MERTK: variants seen among roughly 807,000 people sequenced by gnomAD.
MERTK encodes MER proto-oncogene, tyrosine kinase, also known as tyrosine-protein kinase Mer.
MERTK carries 69 observed loss-of-function variants against 99.3 expected under a neutral mutation model. The observed-to-expected ratio is 0.70, with a 90% CI of 0.57 to 0.85. The LOEUF (loss-of-function observed/expected upper bound fraction) is 0.85. MERTK is among the 40% of genes least tolerant of loss of function. The pLI is 0.00. For missense variants in MERTK, 1,125 were observed against 1,249.4 expected (o/e 0.90, Z 1.50); for synonymous variants, 426 against 467.6 (o/e 0.91, Z 1.15).
At chr2:111,944,476 A>G (rs1684921485) in intron 2 of MERTK, among the ~76,000 whole-genome samples, 1 of 216 alleles carries the variant, frequency 4.6e-3, no homozygotes, top group Non-Finnish European at 9.6e-3. Flanking sequence ...CTCCTAAATT[A>G]TTTATTAATT....
In MERTK at chr2:112,019,608, A is replaced by C. The variant is rs570157738; in HGVS notation, c.2189+86A>C. 7 of 1,005,964 alleles carry C rather than the reference A, an allele frequency of 7.0e-6. No individual in the cohort carries two copies. In the African/African-American group the frequency reaches 1.1e-4, roughly 16 times the overall value. The allele number at this position is 1,005,964 out of a possible 1,614,324, so 62.3% of individuals were successfully genotyped here. A position where few individuals can be genotyped will look rare whatever the true frequency, so the allele number is the denominator to read the frequency against. On this transcript the variant is annotated intron_variant, in intron 16 of 18. Coordinates refer to ENST00000295408, the MANE Select transcript of MERTK (RefSeq NM_006343.3). ...TTAGTGAGAGGACCTGTTCCTGTTT[A>C]GATAGGCAAGGAAGCTGCAGTCAGC... is the stretch of plus-strand genomic sequence containing the variant.
chr2:111,958,907 G>A (rs1685196606), intron 4 of MERTK, among the ~76,000 whole-genome samples: 1 of 150,564 alleles, frequency 6.6e-6, no homozygotes. Flanking sequence ...GACAAGTTTG[G>A]AATGTAATTT....
chr2:111,990,611 A>G (rs555192426), intron 8 of MERTK, among the ~76,000 whole-genome samples: 1 of 152,330 alleles, frequency 6.6e-6, no homozygotes, highest in East Asian at 1.9e-4. Context: ...GTGAGTAGAC[A>G]CAGGTTAAGT....
rs114697865 is a variant in MERTK at position 111,965,507 on chromosome 2, A to G, written c.844+230A>G. On this transcript the variant is annotated intron_variant, in intron 5 of 18. Transcript: ENST00000295408. The stretch of plus-strand genomic sequence containing the variant: ...AGGCTTATTGATTTAATACAAGTAA[A>G]TTACTCAGAAGTGCCTGGCATATAG... 6.6e-4 allele frequency among the ~76,000 whole-genome samples: 101 copies of G among 152,312 alleles called. 1 individual carries two copies. Among genetic ancestry groups the G allele is most frequent in the African/African-American group, 2.3e-3 (96 of 41,556 alleles).
chr2:111,962,116 A>C (rs1189655021), intron 4 of MERTK, among the ~76,000 whole-genome samples: 1 of 152,226 alleles, frequency 6.6e-6, no homozygotes. Flanking sequence ...TTTTATGAAG[A>C]TACTACTGTA....
intron 4 of MERTK, among the ~76,000 whole-genome samples, chr2:111,961,684 G>A (rs746742891): frequency 2.0e-5 from 3 of 152,110 alleles, no homozygotes; most frequent in Non-Finnish European, 2.9e-5. Context: ...TCAGGGAAAC[G>A]CAGACACTGG....
At chr2:111,933,877 C>G (rs1457309238) in intron 2 of MERTK, among the ~76,000 whole-genome samples, 2 of 139,462 alleles carry the variant, frequency 1.4e-5, no homozygotes, top group Admixed American at 1.4e-4. Context: ...CCCAGCCCCC[C>G]CACCCCAACA....
intron 1 of MERTK, among the ~76,000 whole-genome samples, chr2:111,900,839 A>T (rs1310425589): frequency 6.6e-6 from 1 of 152,228 alleles, no homozygotes; most frequent in Non-Finnish European, 1.5e-5. Flanking sequence ...GAAATTAAAC[A>T]TGGAAATTAG....
intron 1 of MERTK, among the ~76,000 whole-genome samples, chr2:111,907,733 ATAT>A (rs1332984945): frequency 1.3e-5 from 2 of 152,250 alleles, no homozygotes; most frequent in African/African-American, 4.8e-5. Context: ...TATTCATTCA[ATAT>A]TATTATGTCA....
chr2:111,920,671 C>T (rs936937690), intron 1 of MERTK, among the ~76,000 whole-genome samples: 3 of 151,010 alleles, frequency 2.0e-5, no homozygotes, highest in South Asian at 2.1e-4. Context: ...ATTTATTTTC[C>T]GAAACAGAGT....
At chr2:111,990,849 A>T (rs2104395582) in intron 8 of MERTK, among the ~76,000 whole-genome samples, 1 of 152,308 alleles carries the variant, frequency 6.6e-6, no homozygotes, top group Admixed American at 6.5e-5. Flanking sequence ...GCCTACTTGA[A>T]TGTTTATTTC....
rs745461381 is a variant in MERTK at position 111,975,461 on chromosome 2, C to A, written c.1133C>A (p.Thr378Lys). ...SAVSPWILAS[T>K]TEGAPSVAPL... is the part of the protein sequence containing the mutation. ...GTGAGCCCTTGGATTCTAGCCAGCA[C>A]GACTGAAGGAGGTAATTCCTGGGGT... The change falls in exon 7 of 19, where the codon ACG becomes AAG. Residue 378 changes from threonine to lysine, a missense_variant. By Grantham distance (78) the Thr-to-Lys change is moderately conservative. Coordinates refer to ENST00000295408, the MANE Select transcript of MERTK (RefSeq NM_006343.3). The A allele has an allele frequency of 6.2e-7, 1 of 1,614,096 alleles. No individual in the cohort carries two copies. Among genetic ancestry groups the A allele is most frequent in the Non-Finnish European group, 8.5e-7 (1 of 1,180,000 alleles).
chr2:111,985,966 G>A (rs1676471961), intron 8 of MERTK, among the ~76,000 whole-genome samples: 1 of 152,186 alleles, frequency 6.6e-6, no homozygotes, highest in African/African-American at 2.4e-5. Flanking sequence ...CACTGATGAT[G>A]CTCAAGCTTT....
At chr2:111,924,891 G>A (rs538264077) in intron 1 of MERTK, among the ~76,000 whole-genome samples, 6 of 152,112 alleles carry the variant, frequency 3.9e-5, no homozygotes, top group Admixed American at 3.3e-4. Context: ...AACCTATTTT[G>A]AGCACCTCCT....
intron 15 of MERTK, among the ~76,000 whole-genome samples, chr2:112,017,071 G>T (rs1219518725): frequency 6.6e-6 from 1 of 152,334 alleles, no homozygotes. Flanking sequence ...ACTCAAGCGG[G>T]TTGCCACTGC....
intron 7 of MERTK, among the ~76,000 whole-genome samples, chr2:111,978,426 T>A (rs1676298547): frequency 6.6e-6 from 1 of 151,126 alleles, no homozygotes; most frequent in Non-Finnish European, 1.5e-5. Context: ...ATAACAGGCA[T>A]GAGCCACCAC....
chr2:111,918,640 G>A (rs1279157923), intron 1 of MERTK, among the ~76,000 whole-genome samples: 2 of 152,264 alleles, frequency 1.3e-5, no homozygotes, highest in Non-Finnish European at 2.9e-5. Context: ...CATTGCAAGA[G>A]TTGAATGGTC....
intron 8 of MERTK, among the ~76,000 whole-genome samples, chr2:111,989,479 C>A (rs1028070446): frequency 6.6e-6 from 1 of 151,930 alleles, no homozygotes; most frequent in African/African-American, 2.4e-5. Flanking sequence ...GCCTCAGCCT[C>A]CCGAGTACTG....
intron 4 of MERTK, among the ~76,000 whole-genome samples, chr2:111,963,035 T>A (rs891549973): frequency 6.6e-6 from 1 of 152,100 alleles, no homozygotes; most frequent in Non-Finnish European, 1.5e-5. Flanking sequence ...TCTTGGGTGT[T>A]TCTCGGAGAG....
Sources: gnomAD v4.1 joint callset for allele counts (sites outside exome capture counted in the v4.1 genomes callset) on GRCh38, gnomAD v4.1.1 for gene constraint, MANE v1.5 for transcripts, NCBI Gene and HGNC (gene_info 2026-07-23, HGNC 2026-07-21) for gene names.